MECOM: variants seen among roughly 807,000 people sequenced by gnomAD.
The protein encoded by MECOM is histone-lysine N-methyltransferase MECOM.
Under a neutral mutation model 116.3 loss-of-function variants are expected in MECOM, and 13 were observed. The observed-to-expected ratio is 0.11, with a 90% CI of 0.07 to 0.18. The LOEUF (loss-of-function observed/expected upper bound fraction) is 0.18, where lower values mean the gene tolerates loss of function less well. Among genes scored for constraint, MECOM ranks in the 10% least tolerant of loss-of-function variants. The pLI, the probability that MECOM is intolerant of heterozygous loss-of-function variation, is 1.00. For synonymous variants in MECOM, 528 were observed against 535.2 expected (o/e 0.99, Z 0.19); for missense variants, 1,299 against 1,509.0 (o/e 0.86, Z 2.31).
intron 2 of MECOM, among the ~76,000 whole-genome samples, chr3:169,305,672 GTTTCATGCTCAC>G (rs1717548899): frequency 6.6e-6 from 1 of 152,182 alleles, no homozygotes; most frequent in South Asian, 2.1e-4. Flanking sequence ...TTAGTGTTCT[GTTTCATGCTCAC>G]TTTCATGCCA....
intron 1 of MECOM, among the ~76,000 whole-genome samples, chr3:169,542,177 A>T (rs1760150095): frequency 6.6e-6 from 1 of 152,214 alleles, no homozygotes; most frequent in Non-Finnish European, 1.5e-5. Context: ...CAAGTGGTAA[A>T]ATATTAAATA....
At chr3:169,345,898 T>G (rs1725262360) in intron 2 of MECOM, among the ~76,000 whole-genome samples, 1 of 152,140 alleles carries the variant, frequency 6.6e-6, no homozygotes, top group South Asian at 2.1e-4. Context: ...GAGTCAACAC[T>G]GGTGAAAACA....
At chr3:169,183,645 A>ATAT (rs1746280454) in intron 2 of MECOM, among the ~76,000 whole-genome samples, 1 of 151,942 alleles carries the variant, frequency 6.6e-6, no homozygotes, top group African/African-American at 2.4e-5. Context: ...CTAAGCTATA[A>ATAT]GCTGGGGTAG....
intron 1 of MECOM, among the ~76,000 whole-genome samples, chr3:169,428,145 A>G (rs1469182229): frequency 6.6e-6 from 1 of 152,162 alleles, no homozygotes; most frequent in East Asian, 1.9e-4. Context: ...ACACCACTTC[A>G]CTCCAGCCTA....
rs560865296 is a variant in MECOM at position 169,324,878 on chromosome 3, C to T, written c.375+56309G>A. ...GGTATTTCCACAGCCTCTTCCCTAC[C>T]ACCCCCCTCCCTTCTCTGCCAACTC... is the stretch of plus-strand genomic sequence containing the variant. On this transcript the variant is annotated intron_variant, in intron 2 of 16. Transcript: ENST00000651503. Among the ~76,000 whole-genome samples the T allele has an allele frequency of 2.0e-4, 30 of 152,228 alleles. No homozygotes were observed. In the South Asian group the frequency reaches 6.2e-3, roughly 32 times the overall value.
At position 169,659,440 on chromosome 3, in the gene MECOM, ATTTTTTTTTTTTTTTT is replaced by A. The variant is rs56270349; in HGVS notation, c.37+3880_37+3895del. Among the ~76,000 whole-genome samples, 438 of 62,180 alleles carry A rather than the reference ATTTTTTTTTTTTTTTT, an allele frequency of 7.0e-3. 5 individuals are homozygous for A. The highest frequency in any genetic ancestry group is 0.025 in the African/African-American group (410 of 16,296). The allele number at this position is 62,180 out of a possible 152,430, so 40.8% of individuals were successfully genotyped here. On this transcript the variant is annotated intron_variant, in intron 1 of 16. Coordinates refer to ENST00000651503, the MANE Select transcript of MECOM (RefSeq NM_004991.4). ...GTAATTAACCTTCCCCTAAACACAGATTTTTTTTTTTTTTTTTTTTTTTTTTTTTTTTTGCAAAACA... is the reference window on the plus strand; with the variant it reads ...GTAATTAACCTTCCCCTAAACACAGATTTTTTTTTTTTTTTTTGCAAAACA...
In MECOM at chr3:169,116,134, T is replaced by C; in HGVS notation, c.1738A>G (p.Ser580Gly). 1.2e-6 allele frequency: 2 copies of C among 1,614,190 alleles called. No homozygotes were observed. Among genetic ancestry groups the C allele is most frequent in the East Asian group, 2.2e-5 (1 of 44,872 alleles). The change falls in exon 8 of 17, where the codon AGT (serine) becomes GGT (glycine). Residue 580 changes from serine to glycine, a missense_variant. This residue lies in a region of MECOM where 238 missense variants were observed against 273.1 expected (regional missense o/e 0.87). Transcript: ENST00000651503. ...GGTGTACTGACATCATCAAGGTCAC[T>C]ACTCTCTGACTGGTCACTGATTTTC... Reference protein sequence around the residue: ...FEKISDQSESSDLDDVSTPSG... With the variant: ...FEKISDQSESGDLDDVSTPSG...
At chr3:169,433,671 A>AAG (rs1304032625) in intron 1 of MECOM, among the ~76,000 whole-genome samples, 5 of 147,796 alleles carry the variant, frequency 3.4e-5, no homozygotes, top group East Asian at 4.3e-4. Flanking sequence ...GAAAGAAAGA[A>AAG]AGAAAGAAAG....
At chr3:169,646,604 A>G (rs1774221086) in intron 1 of MECOM, among the ~76,000 whole-genome samples, 1 of 152,206 alleles carries the variant, frequency 6.6e-6, no homozygotes, top group Admixed American at 6.5e-5. Context: ...ATATTAAAAC[A>G]AAATTGAGGA....
In MECOM at chr3:169,489,986, T is replaced by C. The variant is rs961365377; in HGVS notation, c.38-108462A>G. Among the ~76,000 whole-genome samples the C allele has an allele frequency of 7.2e-5, 11 of 152,220 alleles. No individual in the cohort carries two copies. In the East Asian group the frequency reaches 2.1e-3, roughly 29 times the overall value. ...CAGACTGAGAGATGACCTTGCAATG[T>C]ATGTAAGCAACAAAGCATTAGTGTC... On this transcript the variant is annotated intron_variant, in intron 1 of 16. Transcript: ENST00000651503.
chr3:169,640,380 C>T (rs1001344134), intron 1 of MECOM, among the ~76,000 whole-genome samples: 1 of 152,158 alleles, frequency 6.6e-6, no homozygotes. Flanking sequence ...TTCTCCAAAA[C>T]ATTGTCTGTC....
At chr3:169,205,329 G>T (rs1419764896) in intron 2 of MECOM, among the ~76,000 whole-genome samples, 1 of 152,052 alleles carries the variant, frequency 6.6e-6, no homozygotes, top group Admixed American at 6.6e-5. Context: ...TTTACTTTTT[G>T]AAATGTTCAT....
intron 2 of MECOM, among the ~76,000 whole-genome samples, chr3:169,229,151 A>G (rs1361665301): frequency 6.6e-6 from 1 of 152,202 alleles, no homozygotes; most frequent in Non-Finnish European, 1.5e-5. Flanking sequence ...GGGTTCCATA[A>G]AAATCTGCTC....
chr3:169,292,971 G>T (rs1714874100), intron 2 of MECOM, among the ~76,000 whole-genome samples: 2 of 152,048 alleles, frequency 1.3e-5, no homozygotes, highest in South Asian at 4.2e-4. Context: ...CCTAAAAAAG[G>T]ACCCAATGTG....
At chr3:169,592,107 C>A (rs961831331) in intron 1 of MECOM, among the ~76,000 whole-genome samples, 1 of 152,130 alleles carries the variant, frequency 6.6e-6, no homozygotes, top group Non-Finnish European at 1.5e-5. Flanking sequence ...ACCAGTCTCG[C>A]TCTTCATCCC....
rs569230216 is a variant in MECOM at position 169,595,523 on chromosome 3, A to T, written c.37+67813T>A. ...ACTTGCAGAATTTCATTAATGCAAG[A>T]TTTTTTTATCTCCCAAAAGTCAAAT... is the stretch of plus-strand genomic sequence containing the variant. On this transcript the variant is annotated intron_variant, in intron 1 of 16. Transcript: ENST00000651503. Among the ~76,000 whole-genome samples the T allele has an allele frequency of 1.6e-4, 24 of 152,280 alleles. No individual in the cohort carries two copies. The South Asian group carries it at 4.3e-3, about 28-fold the overall frequency.
intron 1 of MECOM, among the ~76,000 whole-genome samples, chr3:169,529,927 C>T (rs1758393867): frequency 6.6e-6 from 1 of 152,184 alleles, no homozygotes; most frequent in Non-Finnish European, 1.5e-5. Flanking sequence ...AGGACACAGT[C>T]TCTGCTCTCA....
chr3:169,380,864 T>C (rs1732275200), intron 2 of MECOM, among the ~76,000 whole-genome samples: 1 of 152,208 alleles, frequency 6.6e-6, no homozygotes, highest in Non-Finnish European at 1.5e-5. Flanking sequence ...ATTATGCTTG[T>C]TTGCTAATGC....
At chr3:169,636,459 G>A (rs1772767294) in intron 1 of MECOM, among the ~76,000 whole-genome samples, 1 of 152,202 alleles carries the variant, frequency 6.6e-6, no homozygotes, top group Non-Finnish European at 1.5e-5. Context: ...GACTGATGGG[G>A]AAGATTCACA....
Sources: allele counts gnomAD v4.1 joint callset (sites outside exome capture counted in the v4.1 genomes callset), GRCh38; gene constraint gnomAD v4.1.1; regional missense constraint gnomAD v4.1.1; transcripts MANE v1.5; gene names NCBI Gene and HGNC (gene_info 2026-07-23, HGNC 2026-07-21).